Variants in MTMR12 observed in about 807,000 individuals in gnomAD.
MTMR12 encodes the protein myotubularin related protein 12, also known as myotubularin-related protein 12.
In MTMR12, 33 loss-of-function variants were observed where a neutral mutation model predicts 96.7. The ratio of observed to expected loss-of-function variants is 0.34; its 90% CI spans 0.26 to 0.46. The LOEUF (loss-of-function observed/expected upper bound fraction) is 0.46, where lower values mean the gene tolerates loss of function less well. Ranked by LOEUF, MTMR12 falls within the 20% of genes least tolerant of loss-of-function variation. The pLI is 1.00. For synonymous variants in MTMR12, 298 were observed against 327.2 expected (o/e 0.91, Z 0.96); for missense variants, 721 against 896.1 (o/e 0.80, Z 2.49).
rs368865361 is a variant in MTMR12, at chr5:32,233,218, T to G, written c.1674+555A>C. Among the ~76,000 whole-genome samples, 1 of 151,954 alleles carries G rather than the reference T, an allele frequency of 6.6e-6. No individual in the cohort carries two copies. The highest frequency in any genetic ancestry group is 6.6e-5 in the Admixed American group (1 of 15,244). On this transcript the variant is annotated intron_variant, in intron 15 of 15. Coordinates refer to ENST00000382142, the MANE Select transcript of MTMR12 (RefSeq NM_001040446.3). This position sits in a 1 kb window ranked among gnomAD's most constrained non-coding sequence, Gnocchi z 5.0. The stretch of plus-strand genomic sequence containing the variant: ...GTTCACCTACTAAGGCTCCTTTTTT[T>G]TTTTTCAAGTAAAGGAATAAAGAAT...
chr5:32,244,265 T>A (rs1449587385), intron 10 of MTMR12, among the ~76,000 whole-genome samples: 2 of 143,802 alleles, frequency 1.4e-5, no homozygotes, highest in Non-Finnish European at 3.0e-5. Context: ...GGCAACAGAG[T>A]GAGACCCTGT....
intron 7 of MTMR12, among the ~76,000 whole-genome samples, chr5:32,258,713 A>G (rs574508713): frequency 6.6e-6 from 1 of 152,220 alleles, no homozygotes; most frequent in East Asian, 1.9e-4. Context: ...ACTGTTTCTC[A>G]ACCTTTTCAG....
intron 7 of MTMR12, among the ~76,000 whole-genome samples, chr5:32,262,412 G>A (rs1749397629): frequency 6.6e-6 from 1 of 152,032 alleles, no homozygotes; most frequent in African/African-American, 2.4e-5. Context: ...ACCAGCCTGG[G>A]CAACATGGTG....
At chr5:32,258,843 G>A (rs1045512633) in intron 7 of MTMR12, among the ~76,000 whole-genome samples, 1 of 147,910 alleles carries the variant, frequency 6.8e-6, no homozygotes, top group Non-Finnish European at 1.5e-5. Context: ...CCCAACTAGT[G>A]AGGTTGAATA....
chr5:32,309,869 A>G (rs1229901671), intron 1 of MTMR12: 1 of 152,202 alleles, frequency 6.6e-6, no homozygotes, highest in Non-Finnish European at 1.5e-5. Flanking sequence ...AAATGCTAGT[A>G]AGGATGTGGA....
At chr5:32,251,214 C>A (rs1442379774) in intron 8 of MTMR12, among the ~76,000 whole-genome samples, 3 of 151,992 alleles carry the variant, frequency 2.0e-5, no homozygotes, top group Admixed American at 2.0e-4. Context: ...CGCCACTACG[C>A]CCGGCTAATT....
intron 5 of MTMR12, among the ~76,000 whole-genome samples, chr5:32,269,130 G>A (rs959528475): frequency 4.6e-5 from 7 of 151,712 alleles, no homozygotes; most frequent in African/African-American, 1.7e-4. Flanking sequence ...GGGTTCAAGC[G>A]ATTCTCCTGC....
rs372112767 is a variant in MTMR12, at chr5:32,305,472, T to C, written c.81+7286A>G. Among the ~76,000 whole-genome samples the C allele has an allele frequency of 2.3e-4, 35 of 152,364 alleles. 1 individual carries two copies. The highest frequency in any genetic ancestry group is 3.4e-3 in the Middle Eastern group (1 of 294). ...ACCGCTAGGACTAAGGCAGGAGGTC[T>C]GTTTAAGACAAGCCAATCTCTTCTT... On this transcript the variant is annotated intron_variant, in intron 1 of 15. Transcript: ENST00000382142.
chr5:32,292,652 C>T (rs927591461), intron 1 of MTMR12, among the ~76,000 whole-genome samples: 9 of 152,188 alleles, frequency 5.9e-5, no homozygotes, highest in Admixed American at 5.9e-4. Context: ...CTTAGTATTA[C>T]CATGCCCTGC....
chr5:32,281,246 A>AT (rs1357684024), intron 1 of MTMR12, among the ~76,000 whole-genome samples: 2 of 115,198 alleles, frequency 1.7e-5, no homozygotes, highest in Non-Finnish European at 3.7e-5. Flanking sequence ...AGACTCTATC[A>AT]TTAAAAAAAA....
At chr5:32,272,048 T>C (rs1242992156) in intron 3 of MTMR12, 143 bp from the exon 4 acceptor site, 1 of 439,312 alleles carries the variant, frequency 2.3e-6, no homozygotes, top group Non-Finnish European at 4.1e-6. Context: ...TCCCAGCACT[T>C]TGGGAGGCCG....
intron 1 of MTMR12, among the ~76,000 whole-genome samples, chr5:32,282,283 G>GT (rs1750327980): frequency 6.6e-6 from 1 of 151,948 alleles, no homozygotes; most frequent in Non-Finnish European, 1.5e-5. Flanking sequence ...TTAGCCAGGT[G>GT]TGGTGGCGGG....
At chr5:32,285,405 A>G (rs919573219) in intron 1 of MTMR12, among the ~76,000 whole-genome samples, 6 of 149,960 alleles carry the variant, frequency 4.0e-5, no homozygotes, top group African/African-American at 1.5e-4. Flanking sequence ...GCCTCAAGTG[A>G]TCCTTCTGCC....
intron 1 of MTMR12, among the ~76,000 whole-genome samples, chr5:32,281,314 T>C (rs950000298): frequency 1.3e-4 from 20 of 151,392 alleles, no homozygotes; most frequent in Middle Eastern, 3.5e-3. Flanking sequence ...TCTCCCAATC[T>C]TGTTTCCCAT....
chr5:32,274,758 T>C (rs1024327393), intron 2 of MTMR12, among the ~76,000 whole-genome samples: 1 of 152,150 alleles, frequency 6.6e-6, no homozygotes, highest in African/African-American at 2.4e-5. Context: ...CTCTCTTTCT[T>C]AGTTAAGCGT....
At chr5:32,303,860 A>AC (rs1337578360) in intron 1 of MTMR12, among the ~76,000 whole-genome samples, 2 of 151,508 alleles carry the variant, frequency 1.3e-5, no homozygotes, top group South Asian at 2.1e-4. Flanking sequence ...AAAAAAAAAA[A>AC]AAAAAAAAAA....
chr5:32,277,383 G>T (rs1366210398), intron 1 of MTMR12, among the ~76,000 whole-genome samples: 3 of 152,136 alleles, frequency 2.0e-5, no homozygotes, highest in Non-Finnish European at 4.4e-5. Flanking sequence ...GCAAAGCAAG[G>T]CTGCTCAAAC....
chr5:32,247,323 T>A (rs1748732302), intron 10 of MTMR12, among the ~76,000 whole-genome samples: 1 of 152,102 alleles, frequency 6.6e-6, no homozygotes, highest in African/African-American at 2.4e-5. Context: ...TGCACTCCAG[T>A]CTGGATGACA....
Position 32,248,050 on chromosome 5 carries a change from G to T in MTMR12, c.973C>A (p.Gln325Lys). The T allele has an allele frequency of 6.2e-7, 1 of 1,614,002 alleles. No homozygotes were observed. The highest frequency in any genetic ancestry group is 1.1e-5 in the South Asian group (1 of 91,064). Residue 325 changes from glutamine (Q) to lysine (K), a missense_variant, in exon 10 of 16, where the codon CAG becomes AAG. Coordinates refer to ENST00000382142, the MANE Select transcript of MTMR12 (RefSeq NM_001040446.3). The stretch of plus-strand genomic sequence containing the variant: ...TTAGAGTATGCAGTCTGGATTTCCT[G>T]CAGGGACAGGAAGTTGCTTGACAGG... Reference protein sequence around the residue: ...EDLSSNFLSLQEIQTAYSKFK... With the variant: ...EDLSSNFLSLKEIQTAYSKFK...
Sources: allele counts gnomAD v4.1 joint callset (sites outside exome capture counted in the v4.1 genomes callset), GRCh38; gene constraint gnomAD v4.1.1; non-coding constraint Gnocchi (gnomAD v3.1); transcripts MANE v1.5; gene names NCBI Gene and HGNC (gene_info 2026-07-23, HGNC 2026-07-21).